CEP68: variants seen among roughly 807,000 people sequenced by gnomAD.
CEP68 encodes the protein centrosomal protein of 68 kDa.
CEP68 carries 26 observed loss-of-function variants against 55.3 expected under a neutral mutation model. The observed-to-expected ratio is 0.47, with a 90% CI of 0.34 to 0.65. The LOEUF (loss-of-function observed/expected upper bound fraction) is 0.65. Ranked by LOEUF, CEP68 falls within the 30% of genes least tolerant of loss-of-function variation. CEP68 has a pLI of 0.01. For missense variants in CEP68, 957 were observed against 946.7 expected (o/e 1.01, Z -0.14); for synonymous variants, 402 against 383.2 (o/e 1.05, Z -0.57).
intron 4 of CEP68, among the ~76,000 whole-genome samples, chr2:65,077,337 A>G (rs1364081355): frequency 6.6e-6 from 1 of 152,128 alleles, no homozygotes; most frequent in Non-Finnish European, 1.5e-5. Context: ...CATCAAGAAC[A>G]CCAGCTCGGT....
intron 4 of CEP68, among the ~76,000 whole-genome samples, chr2:65,076,137 G>A (rs1175588933): frequency 2.0e-5 from 3 of 151,968 alleles, no homozygotes; most frequent in Non-Finnish European, 4.4e-5. Context: ...GAGTGAGCTT[G>A]AGGAAGGAGA....
intron 3 of CEP68, chr2:65,073,210 T>A (rs534187300): frequency 3.4e-6 from 2 of 588,630 alleles, no homozygotes; most frequent in Non-Finnish European, 6.2e-6. Flanking sequence ...TGCCCACTTA[T>A]AATTAGCAAG....
intron 1 of CEP68, among the ~76,000 whole-genome samples, chr2:65,056,826 G>T (rs1168203749): frequency 1.3e-5 from 2 of 152,136 alleles, no homozygotes; most frequent in East Asian, 3.9e-4. Flanking sequence ...ATGCCCGGGC[G>T]CGGCGAGGGA....
intron 4 of CEP68, among the ~76,000 whole-genome samples, chr2:65,075,924 A>AG (rs1419597666): frequency 2.0e-5 from 3 of 151,996 alleles, no homozygotes; most frequent in African/African-American, 7.2e-5. Context: ...AGAGGAAGGG[A>AG]GGGGCTTTGT....
Position 65,067,460 on chromosome 2 carries a change from G to A in CEP68, c.-46-1939G>A, listed in dbSNP as rs576828185. Among the ~76,000 whole-genome samples, 5 of 152,252 alleles carry A rather than the reference G, an allele frequency of 3.3e-5. No homozygotes were observed. In the East Asian group the frequency reaches 7.7e-4, roughly 24 times the overall value. ...CAAGGGTCATACACAAAACTAGTAA[G>A]GCTGGTTCCCTGATTTTGTGGGAGT... is the stretch of plus-strand genomic sequence containing the variant. On this transcript the variant is annotated intron_variant, in intron 1 of 6. Transcript: ENST00000377990.
At position 65,084,366 on chromosome 2, in the gene CEP68, C is replaced by A. The variant is rs577176472; in HGVS notation, c.*732C>A. The A allele has an allele frequency of 6.4e-4, 98 of 152,248 alleles. No homozygotes were observed. The highest frequency in any genetic ancestry group is 2.2e-3 in the African/African-American group (93 of 41,538). The allele number at this position is 152,248 out of a possible 1,614,324, so 9.4% of individuals were successfully genotyped here. On this transcript the variant is annotated 3_prime_UTR_variant, in exon 7 of 7. Transcript: ENST00000377990. Reference sequence around the variant, plus strand: ...CTTAAAGGGTAACTTTGGGAGGACTCCTCCCTTCACTCCTAGTCTCCCTTG... The same window carrying A: ...CTTAAAGGGTAACTTTGGGAGGACTACTCCCTTCACTCCTAGTCTCCCTTG...
intron 2 of CEP68, among the ~76,000 whole-genome samples, chr2:65,070,510 A>T (rs1469507373): frequency 6.6e-6 from 1 of 151,558 alleles, no homozygotes; most frequent in Admixed American, 6.6e-5. Flanking sequence ...TCTCGGTGTC[A>T]TTGTAGCCTT....
intron 5 of CEP68, among the ~76,000 whole-genome samples, chr2:65,082,306 G>A (rs1355163686): frequency 6.6e-6 from 1 of 152,202 alleles, no homozygotes; most frequent in East Asian, 1.9e-4. Context: ...TCAAAGTGGA[G>A]TCAGTGAGTT....
chr2:65,078,019 G>T, intron 5 of CEP68, 55 bp downstream of exon 5: 1 of 1,363,214 alleles, frequency 7.3e-7, no homozygotes, highest in East Asian at 2.3e-5. Context: ...TCAGCAGCAG[G>T]CCCAGGGACC....
chr2:65,068,760 C>T (rs534901631), intron 1 of CEP68, among the ~76,000 whole-genome samples: 171 of 152,078 alleles, frequency 1.1e-3, no homozygotes, highest in African/African-American at 4.0e-3. Context: ...CCAGGGAGGT[C>T]GAGGCTGCAG....
chr2:65,077,725 T>G, intron 4 of CEP68, 143 bp from the exon 5 acceptor site: 1 of 555,054 alleles, frequency 1.8e-6, no homozygotes, highest in Non-Finnish European at 3.2e-6. Flanking sequence ...CACTGTTTAC[T>G]TGGGGAATTC....
rs533783456 is a variant in CEP68 at position 65,078,786 on chromosome 2, C to G, written c.2104+822C>G. Among the ~76,000 whole-genome samples, 4 of 152,330 alleles carry G rather than the reference C, an allele frequency of 2.6e-5. No individual in the cohort carries two copies. In the South Asian group the frequency reaches 6.2e-4, roughly 24 times the overall value. On this transcript the variant is annotated intron_variant, in intron 5 of 6. Transcript: ENST00000377990. ...CTTGAACTCCCTATCTCAGGTGATT[C>G]GCCTGCCTCAGCCTCCCAGAGTGCT...
chr2:65,077,783 T>TCC, intron 4 of CEP68, 85 bp from the exon 5 acceptor site: 2 of 979,370 alleles, frequency 2.0e-6, no homozygotes, highest in Non-Finnish European at 3.1e-6. Context: ...GAATAAGGCT[T>TCC]CCCTACATGC....
intron 1 of CEP68, among the ~76,000 whole-genome samples, chr2:65,066,465 C>G (rs868229379): frequency 1.9e-4 from 28 of 148,570 alleles, no homozygotes; most frequent in Middle Eastern, 3.5e-3. Context: ...CACGGTGGCT[C>G]ACGCCTGTAA....
rs1676553734 is a variant in CEP68 at position 65,072,763 on chromosome 2, C to G, written c.1667C>G (p.Pro556Arg). ...TCTGGGGATCCTGAGGGCCAGAATCCCTGTTTCCTGCGCTCCTTCGTCCGT... is the reference window on the plus strand; with the variant it reads ...TCTGGGGATCCTGAGGGCCAGAATCGCTGTTTCCTGCGCTCCTTCGTCCGT... ...QGSGDPEGQN[P>R]CFLRSFVRAH... Residue 556 changes from proline (P) to arginine (R), a missense_variant, in exon 3 of 7, where the codon CCC becomes CGC. Physicochemically the swap from Pro to Arg is moderately radical, Grantham distance 103. Coordinates refer to ENST00000377990, the MANE Select transcript of CEP68 (RefSeq NM_015147.3). 1 of 1,614,156 alleles carries G rather than the reference C, an allele frequency of 6.2e-7. No homozygotes were observed. Among genetic ancestry groups the G allele is most frequent in the South Asian group, 1.1e-5 (1 of 91,084 alleles).
At chr2:65,070,370 G>C (rs1676402769) in intron 2 of CEP68, among the ~76,000 whole-genome samples, 1 of 152,186 alleles carries the variant, frequency 6.6e-6, no homozygotes, top group Admixed American at 6.5e-5. Flanking sequence ...TTCTGTGACT[G>C]CAGGCAAATC....
intron 1 of CEP68, among the ~76,000 whole-genome samples, chr2:65,069,145 C>G (rs1423119153): frequency 6.6e-6 from 1 of 152,156 alleles, no homozygotes; most frequent in East Asian, 1.9e-4. Flanking sequence ...TGTTGACCCT[C>G]TTGGGTTTCT....
In CEP68 at chr2:65,072,952, G is replaced by A. The variant is rs748771883; in HGVS notation, c.1856G>A (p.Gly619Glu). ...GQLPRKGGEQ[G>E]KESLVQCVKT... is the part of the protein sequence containing the mutation. ...CTTCCCAGGAAAGGAGGAGAACAGG[G>A]AAAAGAATCACTGGTGCAATGTGTG... is the stretch of plus-strand genomic sequence containing the variant. Residue 619 changes from glycine (G) to glutamate (E), a missense_variant, in exon 3 of 7, where the codon GGA becomes GAA. Gly to Glu is a moderately conservative substitution (Grantham distance 98). Transcript: ENST00000377990. 6.2e-7 allele frequency: 1 copy of A among 1,614,228 alleles called. No homozygotes were observed. The highest frequency in any genetic ancestry group is 8.5e-7 in the Non-Finnish European group (1 of 1,180,048).
rs1160639960 is a variant in CEP68, at chr2:65,086,138, G to C, written c.*2504G>C. 6.6e-6 allele frequency: 1 copy of C among 152,180 alleles called. No individual in the cohort carries two copies. Among genetic ancestry groups the C allele is most frequent in the Non-Finnish European group, 1.5e-5 (1 of 68,034 alleles). The allele number at this position is 152,180 out of a possible 1,614,324, so 9.4% of individuals were successfully genotyped here. A position where few individuals can be genotyped will look rare whatever the true frequency, so the allele number is the denominator to read the frequency against. On this transcript the variant is annotated 3_prime_UTR_variant, in exon 7 of 7. Coordinates refer to ENST00000377990, the MANE Select transcript of CEP68 (RefSeq NM_015147.3). ...ACAAAGAAGGTTTGAGGTAAGATAT[G>C]CTGGAAAGGCAAGATGTAGGCTAAG...
Sources: gnomAD v4.1 joint callset for allele counts (sites outside exome capture counted in the v4.1 genomes callset) on GRCh38, gnomAD v4.1.1 for gene constraint, MANE v1.5 for transcripts, NCBI Gene and HGNC (gene_info 2026-07-23, HGNC 2026-07-21) for gene names.